The following EFNA5 variants were observed in gnomAD, a reference collection of about 807,000 sequenced individuals.
EFNA5 encodes ephrin A5.
Under a neutral mutation model 22.9 loss-of-function variants are expected in EFNA5, and 5 were observed. The observed-to-expected ratio is 0.22, with a 90% confidence interval of 0.11 to 0.46. EFNA5 has a LOEUF of 0.46. EFNA5 is among the 20% of genes least tolerant of loss of function. The pLI is 0.99. For synonymous variants in EFNA5, 113 were observed against 112.2 expected (o/e 1.01, Z -0.04); for missense variants, 237 against 293.3 (o/e 0.81, Z 1.40).
At chr5:107,535,191 G>C (rs1747902338) in intron 1 of EFNA5, among the ~76,000 whole-genome samples, 1 of 152,200 alleles carries the variant, frequency 6.6e-6, no homozygotes, top group African/African-American at 2.4e-5. Context: ...TAGGTAGACA[G>C]AGGACTGCAG....
chr5:107,593,416 A>T (rs1048277112), intron 1 of EFNA5, among the ~76,000 whole-genome samples: 1 of 152,196 alleles, frequency 6.6e-6, no homozygotes, highest in South Asian at 2.1e-4. Context: ...CGTGGTCGAT[A>T]ATGCCAAGAC....
chr5:107,500,871 T>TAAA (rs5870265), intron 1 of EFNA5, among the ~76,000 whole-genome samples: 189 of 149,454 alleles, frequency 1.3e-3, no homozygotes, highest in Middle Eastern at 3.4e-3. Context: ...AAATATTCAT[T>TAAA]AAAAAAAAAC....
At chr5:107,527,118 T>A (rs978992773) in intron 1 of EFNA5, among the ~76,000 whole-genome samples, 4 of 152,312 alleles carry the variant, frequency 2.6e-5, no homozygotes, top group East Asian at 3.9e-4. Flanking sequence ...GACATAAATA[T>A]GACCTGGCAT....
At chr5:107,568,470 A>G (rs945612409) in intron 1 of EFNA5, among the ~76,000 whole-genome samples, 1 of 152,208 alleles carries the variant, frequency 6.6e-6, no homozygotes, top group Non-Finnish European at 1.5e-5. Flanking sequence ...TGGTGAAATC[A>G]GGCCAGCAGC....
chr5:107,511,762 A>G (rs922539820), intron 1 of EFNA5, among the ~76,000 whole-genome samples: 39 of 151,194 alleles, frequency 2.6e-4, no homozygotes, highest in African/African-American at 9.2e-4. Context: ...CATAAAAAAA[A>G]TAGTTCTTAT....
intron 1 of EFNA5, among the ~76,000 whole-genome samples, chr5:107,459,589 C>A (rs1291809573): frequency 1.3e-5 from 2 of 152,140 alleles, no homozygotes; most frequent in East Asian, 3.9e-4. Flanking sequence ...TTCCTGAATT[C>A]CAGGACAGTG....
intron 1 of EFNA5, among the ~76,000 whole-genome samples, chr5:107,548,467 G>A (rs1156638443): frequency 6.6e-6 from 1 of 152,160 alleles, no homozygotes; most frequent in Admixed American, 6.5e-5. Context: ...ATAAAGGAAT[G>A]CTGTAGATAT....
At chr5:107,553,380 C>A (rs1413522575) in intron 1 of EFNA5, among the ~76,000 whole-genome samples, 1 of 152,170 alleles carries the variant, frequency 6.6e-6, no homozygotes, top group Non-Finnish European at 1.5e-5. Context: ...CTCAGCCCCA[C>A]TCCACCACCG....
At chr5:107,517,093 T>C (rs1032548518) in intron 1 of EFNA5, among the ~76,000 whole-genome samples, 2 of 151,992 alleles carry the variant, frequency 1.3e-5, no homozygotes, top group East Asian at 1.9e-4. Context: ...CTAAAATTCA[T>C]TGATTGTACA....
chr5:107,632,804 C>T (rs1750286294), intron 1 of EFNA5, among the ~76,000 whole-genome samples: 1 of 152,130 alleles, frequency 6.6e-6, no homozygotes, highest in African/African-American at 2.4e-5. Flanking sequence ...AGGAGATCTC[C>T]AATATAATTG....
At chr5:107,453,428 T>C (rs971045301) in intron 1 of EFNA5, among the ~76,000 whole-genome samples, 1 of 152,220 alleles carries the variant, frequency 6.6e-6, no homozygotes. Context: ...GATTTAAGTA[T>C]AGCTTAAAAT....
At chr5:107,654,316 TA>T (rs1249927069) in intron 1 of EFNA5, among the ~76,000 whole-genome samples, 2 of 152,128 alleles carry the variant, frequency 1.3e-5, no homozygotes, top group Admixed American at 6.6e-5. Flanking sequence ...TACTTAACCA[TA>T]AGGATTTTTG....
At chr5:107,422,455 T>C (rs929585622) in intron 2 of EFNA5, among the ~76,000 whole-genome samples, 2 of 152,326 alleles carry the variant, frequency 1.3e-5, no homozygotes, top group Admixed American at 6.5e-5. Context: ...GTGTTATTTT[T>C]ATATAGAGAG....
At chr5:107,635,859 A>G (rs1750361796) in intron 1 of EFNA5, among the ~76,000 whole-genome samples, 1 of 152,238 alleles carries the variant, frequency 6.6e-6, no homozygotes, top group Non-Finnish European at 1.5e-5. Context: ...GAGTGAGCCA[A>G]CATTCAACAA....
chr5:107,532,742 G>A lies in EFNA5; in HGVS notation c.126-105233C>T, dbSNP rs1421735048. Among the ~76,000 whole-genome samples the A allele has an allele frequency of 3.9e-5, 6 of 152,192 alleles. 1 individual carries two copies. The South Asian group carries it at 8.3e-4, about 21-fold the overall frequency. ...TATGGCTGTCTGACAAAAGCGATTCGTCAAGCATCCTGGTTGCCAAATATG... is the reference window on the plus strand; with the variant it reads ...TATGGCTGTCTGACAAAAGCGATTCATCAAGCATCCTGGTTGCCAAATATG... On this transcript the variant is annotated intron_variant, in intron 1 of 4. Coordinates refer to ENST00000333274, the MANE Select transcript of EFNA5 (RefSeq NM_001962.3).
At chr5:107,424,895 C>T (rs574648558) in intron 2 of EFNA5, among the ~76,000 whole-genome samples, 17 of 152,044 alleles carry the variant, frequency 1.1e-4, no homozygotes, top group Non-Finnish European at 1.5e-4. Flanking sequence ...GATGCCTTTG[C>T]GGGTCGAAAA....
intron 1 of EFNA5, among the ~76,000 whole-genome samples, chr5:107,656,924 TTC>T (rs1750837716): frequency 1.3e-5 from 2 of 152,122 alleles, no homozygotes; most frequent in African/African-American, 4.8e-5. Flanking sequence ...ATATCTTACT[TTC>T]TGAGTCCTTG....
chr5:107,389,947 T>C (rs1476612966), intron 2 of EFNA5, among the ~76,000 whole-genome samples: 1 of 152,248 alleles, frequency 6.6e-6, no homozygotes, highest in Non-Finnish European at 1.5e-5. Context: ...GTGACTATTA[T>C]ACTCTAATCC....
intron 1 of EFNA5, among the ~76,000 whole-genome samples, chr5:107,468,885 A>G (rs1274891361): frequency 6.6e-6 from 1 of 152,220 alleles, no homozygotes; most frequent in African/African-American, 2.4e-5. Context: ...TTTAAAAAGA[A>G]CAAGTCTGAA....
Sources: allele counts gnomAD v4.1 joint callset (sites outside exome capture counted in the v4.1 genomes callset), GRCh38; gene constraint gnomAD v4.1.1; transcripts MANE v1.5; gene names NCBI Gene and HGNC (gene_info 2026-07-23, HGNC 2026-07-21).